Variants in MATR3 observed in about 807,000 individuals in gnomAD.
MATR3 encodes matrin-3.
MATR3 carries 4 observed loss-of-function variants against 85.5 expected under a neutral mutation model. The ratio of observed to expected loss-of-function variants is 0.05; its 90% CI spans 0.02 to 0.11. MATR3 has a LOEUF of 0.11. MATR3 is among the 10% of genes least tolerant of loss of function. The pLI is 1.00. For missense variants in MATR3, 685 were observed against 1,016.1 expected (o/e 0.67, Z 4.43); for synonymous variants, 336 against 343.1 (o/e 0.98, Z 0.23).
intron 3 of MATR3, among the ~76,000 whole-genome samples, chr5:139,286,256 T>C (rs1753699073): frequency 6.6e-6 from 1 of 152,242 alleles, no homozygotes; most frequent in Admixed American, 6.5e-5. Context: ...ATTTCTGAGG[T>C]GTCAACTCTG....
At chr5:139,319,831 G>A (rs779142859) in intron 9 of MATR3, among the ~76,000 whole-genome samples, 33 of 140,732 alleles carry the variant, frequency 2.3e-4, no homozygotes, top group Middle Eastern at 4.1e-3. Context: ...GCAGCAGAGC[G>A]AGACTCCCAA....
At chr5:139,314,962 A>G (rs1581244639) in intron 3 of MATR3, 3 of 473,670 alleles carry the variant, frequency 6.3e-6, no homozygotes, top group Admixed American at 6.6e-5. Context: ...TAGGATACAT[A>G]TATATTGGTC....
At chr5:139,294,343 A>T (rs1309438754) in intron 1 of MATR3, among the ~76,000 whole-genome samples, 2 of 152,042 alleles carry the variant, frequency 1.3e-5, no homozygotes, top group East Asian at 3.9e-4. Flanking sequence ...TGTTCCCCCA[A>T]AATGGAGGAT....
At chr5:139,277,302 C>T (rs2151854290) in intron 2 of MATR3, among the ~76,000 whole-genome samples, 1 of 152,212 alleles carries the variant, frequency 6.6e-6, no homozygotes, top group Admixed American at 6.5e-5. Context: ...TGCACCGTGC[C>T]TGGCCTGGAA....
In MATR3 at chr5:139,315,507, C is replaced by A. The variant is rs572666133; in HGVS notation, c.975-190C>A. ...AAGCAATACAAAACAAGTTTATTCTCGTGGATTATTTTGAAGTTCTGAAAT... is the reference window on the plus strand; with the variant it reads ...AAGCAATACAAAACAAGTTTATTCTAGTGGATTATTTTGAAGTTCTGAAAT... On this transcript the variant is annotated intron_variant, in intron 3 of 14. Coordinates refer to ENST00000394805, the MANE Select transcript of MATR3 (RefSeq NM_018834.6). 4 of 542,988 alleles carry A rather than the reference C, an allele frequency of 7.4e-6. No homozygotes were observed. In the East Asian group the frequency reaches 1.2e-4, roughly 17 times the overall value. 33.6% of individuals were successfully genotyped at this position (542,988 alleles called of 1,614,324 possible).
At chr5:139,281,777 TCTTTTC>T in intron 3 of MATR3, among the ~76,000 whole-genome samples, 1 of 152,194 alleles carries the variant, frequency 6.6e-6, no homozygotes, top group Non-Finnish European at 1.5e-5. Flanking sequence ...CACAAGTGCC[TCTTTTC>T]ATTGCTTAGG....
intron 3 of MATR3, among the ~76,000 whole-genome samples, chr5:139,288,422 A>G (rs1753775076): frequency 6.6e-6 from 1 of 152,200 alleles, no homozygotes; most frequent in African/African-American, 2.4e-5. Context: ...GTAGGTGTGT[A>G]TCTGAACTGA....
At chr5:139,315,932 T>C in intron 4 of MATR3, 144 bp from the exon 5 acceptor site, 1 of 779,554 alleles carries the variant, frequency 1.3e-6, no homozygotes, top group Non-Finnish European at 2.2e-6. Context: ...ATTGTTAATG[T>C]AGACTTTGAC....
intron 12 of MATR3, among the ~76,000 whole-genome samples, chr5:139,323,979 C>T (rs763544009): frequency 6.6e-6 from 1 of 151,942 alleles, no homozygotes; most frequent in Non-Finnish European, 1.5e-5. Flanking sequence ...AACTCAAAAC[C>T]AATATTTACC....
intron 3 of MATR3, chr5:139,279,595 C>T (rs1259265767): frequency 1.2e-5 from 2 of 162,482 alleles, no homozygotes; most frequent in Non-Finnish European, 2.7e-5. Context: ...CCTCTACCTC[C>T]TGGGTTCAAG....
At chr5:139,311,507 T>G (rs1035427425) in intron 2 of MATR3, 4 of 152,150 alleles carry the variant, frequency 2.6e-5, no homozygotes, top group Non-Finnish European at 5.9e-5. Flanking sequence ...GATCTTGGCC[T>G]TCCTTTTTTC....
chr5:139,326,059 C>T (rs1755838562), intron 13 of MATR3, 104 bp from the exon 14 acceptor site: 18 of 1,120,158 alleles, frequency 1.6e-5, no homozygotes, highest in South Asian at 2.8e-5. Context: ...TATTGGACTT[C>T]TCAAAAACAT....
chr5:139,298,042 A>G (rs1053135750), intron 1 of MATR3, among the ~76,000 whole-genome samples: 4 of 152,208 alleles, frequency 2.6e-5, no homozygotes, highest in African/African-American at 9.7e-5. Context: ...AAGTATGGAA[A>G]GTAGTCATTT....
intron 7 of MATR3, 104 bp downstream of exon 7, chr5:139,317,825 T>G: frequency 8.5e-7 from 1 of 1,182,096 alleles, no homozygotes; most frequent in Non-Finnish European, 1.2e-6. Context: ...CAAGGTAATC[T>G]TAAGTTTATC....
intron 2 of MATR3, 40 bp from the exon 3 acceptor site, chr5:139,314,635 G>C: frequency 2.0e-6 from 3 of 1,517,086 alleles, no homozygotes; most frequent in Non-Finnish European, 2.7e-6. Context: ...AAATATTTCA[G>C]CTTTATTTTT....
At chr5:139,319,861 T>TGC (rs1755456726) in intron 9 of MATR3, among the ~76,000 whole-genome samples, 1 of 22,228 alleles carries the variant, frequency 4.5e-5, no homozygotes, top group Non-Finnish European at 6.5e-5. Flanking sequence ...AAAAATTTGC[T>TGC]TTTTTTTTTT....
intron 2 of MATR3, among the ~76,000 whole-genome samples, chr5:139,276,903 T>C (rs1281309435): frequency 6.6e-6 from 1 of 152,160 alleles, no homozygotes; most frequent in Non-Finnish European, 1.5e-5. Flanking sequence ...AGCTGTTTAA[T>C]AAAATATTAA....
chr5:139,328,813 C>A (rs1755985019), intron 14 of MATR3, among the ~76,000 whole-genome samples: 2 of 152,006 alleles, frequency 1.3e-5, no homozygotes, highest in African/African-American at 4.8e-5. Flanking sequence ...ACCAGCCTGG[C>A]CAACACGGTG....
At chr5:139,290,844 T>C (rs1409295236), upstream of MATR3, among the ~76,000 whole-genome samples, 2 of 152,190 alleles carry the variant, frequency 1.3e-5, no homozygotes, top group Non-Finnish European at 2.9e-5. Context: ...TCAAGACCCA[T>C]ATATACCACT....
Sources: gnomAD v4.1 joint callset for allele counts (sites outside exome capture counted in the v4.1 genomes callset) on GRCh38, gnomAD v4.1.1 for gene constraint, MANE v1.5 for transcripts, NCBI Gene and HGNC (gene_info 2026-07-23, HGNC 2026-07-21) for gene names.